The following PLXNA4 variants were observed in gnomAD, a reference collection of about 807,000 sequenced individuals.
PLXNA4 encodes the protein plexin A4, also known as plexin-A4.
Under a neutral mutation model 191.8 loss-of-function variants are expected in PLXNA4, and 44 were observed. That is an observed-to-expected ratio of 0.23 (90% CI 0.18 to 0.29). The LOEUF is 0.29. PLXNA4 is among the 10% of genes least tolerant of loss of function. PLXNA4 has a pLI of 1.00. For missense variants in PLXNA4, 1,800 were observed against 2,488.8 expected (o/e 0.72, Z 5.89); for synonymous variants, 1,082 against 1,009.5 (o/e 1.07, Z -1.36).
At chr7:132,340,934 C>T (rs1247181192) in intron 3 of PLXNA4, among the ~76,000 whole-genome samples, 1 of 152,204 alleles carries the variant, frequency 6.6e-6, no homozygotes, top group East Asian at 1.9e-4. Flanking sequence ...CTGCCTCAGC[C>T]TCCCAAAGTG....
chr7:132,473,521 C>T (rs1313656742), intron 3 of PLXNA4, among the ~76,000 whole-genome samples: 2 of 152,214 alleles, frequency 1.3e-5, no homozygotes, highest in African/African-American at 4.8e-5. Flanking sequence ...GAAAAGCAGA[C>T]TTGACACCTC....
At chr7:132,241,762 A>G (rs1414658661) in intron 4 of PLXNA4, among the ~76,000 whole-genome samples, 7 of 152,208 alleles carry the variant, frequency 4.6e-5, no homozygotes, top group Non-Finnish European at 1.5e-5. Flanking sequence ...AATGTTGGCC[A>G]ACTGGCTCTA....
At chr7:132,192,164 G>A (rs1339789538) in intron 14 of PLXNA4, among the ~76,000 whole-genome samples, 2 of 152,124 alleles carry the variant, frequency 1.3e-5, no homozygotes, top group Admixed American at 6.5e-5. Flanking sequence ...CTAAGGTTTG[G>A]CCCTGACCAT....
intron 3 of PLXNA4, among the ~76,000 whole-genome samples, chr7:132,335,268 A>C (rs55655721): frequency 0.036 from 5,549 of 152,306 alleles, 158 homozygotes; most frequent in Middle Eastern, 0.071. Flanking sequence ...GAGGATGAAC[A>C]ATATGAACAT....
chr7:132,420,066 C>T (rs766859264), intron 3 of PLXNA4, among the ~76,000 whole-genome samples: 28 of 152,218 alleles, frequency 1.8e-4, no homozygotes, highest in Non-Finnish European at 2.9e-4. Flanking sequence ...TGTTGCCAGT[C>T]CTTCTCTTCA....
At chr7:132,616,848 C>T (rs934244558) in intron 2 of PLXNA4, among the ~76,000 whole-genome samples, 1 of 152,136 alleles carries the variant, frequency 6.6e-6, no homozygotes, top group African/African-American at 2.4e-5. Context: ...CTGACCCTTC[C>T]AGTTGCCCTT....
intron 3 of PLXNA4, among the ~76,000 whole-genome samples, chr7:132,438,569 G>T (rs766469579): frequency 6.6e-6 from 1 of 152,186 alleles, no homozygotes; most frequent in Non-Finnish European, 1.5e-5. Context: ...GATAATCTCA[G>T]TATTAGTCTA....
chr7:132,563,821 C>T (rs1413194576), intron 1 of PLXNA4, among the ~76,000 whole-genome samples: 6 of 82,334 alleles, frequency 7.3e-5, no homozygotes, highest in Admixed American at 1.2e-4. Flanking sequence ...CCTCCTTCTC[C>T]TCCTCCTTCT....
At chr7:132,167,642 C>G (rs1796161180) in intron 22 of PLXNA4, among the ~76,000 whole-genome samples, 1 of 152,074 alleles carries the variant, frequency 6.6e-6, no homozygotes, top group South Asian at 2.1e-4. Flanking sequence ...TTAAAGGATC[C>G]TCCTATCCCA....
chr7:132,417,642 TGAGGGAGAGAGA>T (rs1209591857), intron 3 of PLXNA4, among the ~76,000 whole-genome samples: 1 of 142,004 alleles, frequency 7.0e-6, no homozygotes, highest in Non-Finnish European at 1.5e-5. Context: ...TATATGTGTG[TGAGGGAGAGAGA>T]GAAGGAGAGA....
At chr7:132,143,367 A>G (rs1348248167) in intron 29 of PLXNA4, among the ~76,000 whole-genome samples, 1 of 152,204 alleles carries the variant, frequency 6.6e-6, no homozygotes, top group East Asian at 1.9e-4. Flanking sequence ...CTCCACTCCA[A>G]GGACATTATG....
intron 4 of PLXNA4, among the ~76,000 whole-genome samples, chr7:132,245,917 T>C (rs1026958061): frequency 3.9e-5 from 6 of 152,100 alleles, no homozygotes; most frequent in Admixed American, 2.6e-4. Context: ...GTACGGTGGT[T>C]GCCAGGGACT....
At chr7:132,615,661 T>C (rs981694986) in intron 2 of PLXNA4, among the ~76,000 whole-genome samples, 2 of 152,142 alleles carry the variant, frequency 1.3e-5, no homozygotes, top group African/African-American at 4.8e-5. Flanking sequence ...CTGCGGCCCA[T>C]TGGAGTGAGC....
chr7:132,348,835 G>T (rs1038753193), intron 3 of PLXNA4, among the ~76,000 whole-genome samples: 6 of 152,224 alleles, frequency 3.9e-5, no homozygotes, highest in Non-Finnish European at 8.8e-5. Flanking sequence ...AGGTCCTAGG[G>T]GTAGAGGCAA....
chr7:132,609,641 C>T (rs1803008831), intron 2 of PLXNA4, among the ~76,000 whole-genome samples: 2 of 152,214 alleles, frequency 1.3e-5, no homozygotes, highest in African/African-American at 4.8e-5. Context: ...ATATTATTAT[C>T]CTCACTTTAT....
chr7:132,426,896 A>T (rs1020789781), intron 3 of PLXNA4, among the ~76,000 whole-genome samples: 2 of 152,206 alleles, frequency 1.3e-5, no homozygotes. Flanking sequence ...GGTGATTTTT[A>T]AAAAGCTGAG....
At chr7:132,373,829 C>T (rs552072448) in intron 3 of PLXNA4, among the ~76,000 whole-genome samples, 6 of 152,266 alleles carry the variant, frequency 3.9e-5, no homozygotes, top group African/African-American at 1.2e-4. Flanking sequence ...GAAATCTTAC[C>T]GCCCTTATTA....
At chr7:132,299,194 G>T (rs1001280618) in intron 3 of PLXNA4, among the ~76,000 whole-genome samples, 18 of 152,114 alleles carry the variant, frequency 1.2e-4, no homozygotes, top group Non-Finnish European at 5.9e-5. Flanking sequence ...AGAACTAGGG[G>T]ATCACCACAC....
intron 2 of PLXNA4, among the ~76,000 whole-genome samples, chr7:132,603,549 T>C (rs549662979): frequency 6.6e-6 from 1 of 152,276 alleles, no homozygotes; most frequent in Non-Finnish European, 1.5e-5. Context: ...ATGCACCAGC[T>C]TTTTTGACCA....
Sources: gnomAD v4.1 joint callset for allele counts (sites outside exome capture counted in the v4.1 genomes callset) on GRCh38, gnomAD v4.1.1 for gene constraint, MANE v1.5 for transcripts, NCBI Gene and HGNC (gene_info 2026-07-23, HGNC 2026-07-21) for gene names.